The following ADGRL2 variants were observed in gnomAD, a reference collection of about 807,000 sequenced individuals.
ADGRL2 encodes the protein calcium-independent alpha-latrotoxin receptor 2.
ADGRL2 carries 44 observed loss-of-function variants against 157.4 expected under a neutral mutation model. The ratio of observed to expected loss-of-function variants is 0.28; its 90% CI spans 0.22 to 0.36. The LOEUF is 0.36. Ranked by LOEUF, ADGRL2 falls within the 10% of genes least tolerant of loss-of-function variation. ADGRL2 has a pLI of 1.00. For synonymous variants in ADGRL2, 585 were observed against 624.7 expected, an observed-to-expected ratio of 0.94 and a Z score of 0.95; for missense variants, 1,510 against 1,768.9, an observed-to-expected ratio of 0.85 and a Z score of 2.63.
chr1:81,691,521 G>A (rs1047882742), intron 3 of ADGRL2, among the ~76,000 whole-genome samples: 4 of 151,024 alleles, frequency 2.6e-5, no homozygotes, highest in East Asian at 1.9e-4. Context: ...TTTTTGAGAC[G>A]GAGTTTCGCT....
At chr1:81,753,281 G>A (rs2085550876) in intron 1 of ADGRL2, among the ~76,000 whole-genome samples, 1 of 152,192 alleles carries the variant, frequency 6.6e-6, no homozygotes, top group Non-Finnish European at 1.5e-5. Context: ...TGTGGATGGT[G>A]GCAGGCAAGA....
Position 81,503,440 on chromosome 1 carries a change from G to A in ADGRL2, c.-248+58351G>A, listed in dbSNP as rs573271180. 1.4e-5 allele frequency: 22 copies of A among 1,613,160 alleles called. No homozygotes were observed. The East Asian group carries it at 1.8e-4, about 13-fold the overall frequency. ...TACCTCATCCCGGGGCACCCCCAGC[G>A]CAGAGCCCTCCACCAGCTGGTCCCT... On this transcript the variant is annotated intron_variant, in intron 2 of 24. Transcript: ENST00000370721.
At chr1:81,796,450 A>G (rs1350084890), upstream of ADGRL2, among the ~76,000 whole-genome samples, 2 of 152,206 alleles carry the variant, frequency 1.3e-5, no homozygotes. Context: ...GACCTATAAG[A>G]CCCAACTATA....
At chr1:81,873,879 A>G (rs946264333) in intron 2 of ADGRL2, among the ~76,000 whole-genome samples, 24 of 152,120 alleles carry the variant, frequency 1.6e-4, no homozygotes, top group Admixed American at 1.4e-3. Flanking sequence ...GAAATTTACT[A>G]TTGACTCATA....
intron 1 of ADGRL2, among the ~76,000 whole-genome samples, chr1:81,369,362 A>G (rs1255251458): frequency 6.6e-6 from 1 of 152,216 alleles, no homozygotes; most frequent in African/African-American, 2.4e-5. Context: ...AAACTCCCTG[A>G]TGAATTTTAG....
chr1:81,701,085 T>C (rs1337255884), intron 1 of ADGRL2, among the ~76,000 whole-genome samples: 2 of 152,228 alleles, frequency 1.3e-5, no homozygotes, highest in African/African-American at 4.8e-5. Flanking sequence ...GGCTAATTTG[T>C]ATTATACTGT....
intron 2 of ADGRL2, among the ~76,000 whole-genome samples, chr1:81,857,107 G>A (rs960525819): frequency 1.3e-5 from 2 of 152,078 alleles, no homozygotes; most frequent in African/African-American, 4.8e-5. Context: ...AGCTCTGTGA[G>A]GTTTATGTTG....
intron 4 of ADGRL2, among the ~76,000 whole-genome samples, chr1:81,937,662 T>C (rs1356679070): frequency 1.3e-5 from 2 of 151,870 alleles, no homozygotes. Context: ...ATAGAAAAGA[T>C]AGAGATGTCA....
At chr1:81,371,517 T>C (rs541341003) in intron 1 of ADGRL2, among the ~76,000 whole-genome samples, 1 of 152,238 alleles carries the variant, frequency 6.6e-6, no homozygotes, top group South Asian at 2.1e-4. Flanking sequence ...TTTTTGTGAA[T>C]ATAAAATAAG....
intron 3 of ADGRL2, among the ~76,000 whole-genome samples, chr1:81,924,894 A>T (rs1489325046): frequency 6.6e-6 from 1 of 152,080 alleles, no homozygotes; most frequent in Non-Finnish European, 1.5e-5. Flanking sequence ...GTACTACTGT[A>T]TTTGATGATG....
At chr1:81,961,729 C>CG (rs1191123334) in intron 11 of ADGRL2, among the ~76,000 whole-genome samples, 5 of 151,914 alleles carry the variant, frequency 3.3e-5, no homozygotes, top group Non-Finnish European at 5.9e-5. Flanking sequence ...AGGCAAGTCT[C>CG]GAACTCCTGA....
intron 2 of ADGRL2, among the ~76,000 whole-genome samples, chr1:81,871,117 A>C (rs2093682701): frequency 8.7e-6 from 1 of 114,360 alleles, no homozygotes; most frequent in Admixed American, 1.3e-4. Flanking sequence ...CTGTTGTGTG[A>C]TGTTCCCCAT....
At chr1:81,596,502 GC>G (rs1411276772) in intron 3 of ADGRL2, 2 of 420,490 alleles carry the variant, frequency 4.8e-6, no homozygotes, top group Non-Finnish European at 9.2e-6. Context: ...ATCCTTAAAA[GC>G]CATGGCTGCT....
chr1:81,980,846 T>A, intron 18 of ADGRL2: 1 of 697,056 alleles, frequency 1.4e-6, no homozygotes, highest in Non-Finnish European at 2.7e-6. Flanking sequence ...CTGGGTAAGG[T>A]AGAACCCTAC....
chr1:81,816,943 G>A (rs535992681), intron 1 of ADGRL2, among the ~76,000 whole-genome samples: 31 of 145,632 alleles, frequency 2.1e-4, no homozygotes, highest in Middle Eastern at 3.6e-3. Flanking sequence ...CATGAATGTT[G>A]AATTCTTAGT....
chr1:81,717,958 T>C (rs2084170371), intron 1 of ADGRL2, among the ~76,000 whole-genome samples: 1 of 152,198 alleles, frequency 6.6e-6, no homozygotes, highest in Non-Finnish European at 1.5e-5. Flanking sequence ...ATAATAATTA[T>C]AGATCAATCT....
intron 2 of ADGRL2, among the ~76,000 whole-genome samples, chr1:81,455,360 C>A (rs2077782695): frequency 6.6e-6 from 1 of 152,250 alleles, no homozygotes; most frequent in African/African-American, 2.4e-5. Context: ...TTGGAACTGG[C>A]CAGACCTGAA....
At chr1:81,609,682 A>G (rs184780946) in intron 3 of ADGRL2, among the ~76,000 whole-genome samples, 54 of 151,844 alleles carry the variant, frequency 3.6e-4, no homozygotes, top group African/African-American at 1.2e-3. Flanking sequence ...CTGATGTGAC[A>G]ATATTCCAGA....
intron 2 of ADGRL2, among the ~76,000 whole-genome samples, chr1:81,543,390 A>G (rs530689956): frequency 3.0e-4 from 45 of 152,210 alleles, no homozygotes; most frequent in Non-Finnish European, 5.6e-4. Flanking sequence ...CCCTTGCCAG[A>G]CACCAGATCT....
Sources: gnomAD v4.1 joint callset for allele counts (sites outside exome capture counted in the v4.1 genomes callset) on GRCh38, gnomAD v4.1.1 for gene constraint, MANE v1.5 for transcripts, NCBI Gene and HGNC (gene_info 2026-07-23, HGNC 2026-07-21) for gene names.